REV1: variants seen among roughly 807,000 people sequenced by gnomAD.
REV1 encodes translesion synthesis protein REV1.
A neutral mutation model predicts 137.4 loss-of-function variants in REV1; 42 were observed. That is an observed-to-expected ratio of 0.31 (90% CI 0.24 to 0.40). The LOEUF is 0.40. REV1 is among the 10% of genes least tolerant of loss of function. The pLI, the probability that REV1 is intolerant of heterozygous loss-of-function variation, is 1.00. For synonymous variants in REV1, 524 were observed against 519.2 expected (o/e 1.01, Z -0.12); for missense variants, 1,282 against 1,490.1 (o/e 0.86, Z 2.30).
At chr2:99,445,263 C>G (rs764028215) in intron 4 of REV1, among the ~76,000 whole-genome samples, 2 of 152,110 alleles carry the variant, frequency 1.3e-5, no homozygotes, top group Non-Finnish European at 2.9e-5. Context: ...AAAGTTTTGA[C>G]TCATATGTAA....
chr2:99,446,286 T>C (rs1682194112), intron 4 of REV1, among the ~76,000 whole-genome samples: 1 of 152,170 alleles, frequency 6.6e-6, no homozygotes, highest in Admixed American at 6.5e-5. Flanking sequence ...AAATACAAAA[T>C]GAGGCCCATA....
Position 99,410,585 on chromosome 2 carries a change from G to A in REV1, c.2345+110C>T, listed in dbSNP as rs147615288. 1,518 of 920,044 alleles carry A rather than the reference G, an allele frequency of 1.6e-3. 25 individuals are homozygous for A. In the South Asian group the frequency reaches 0.017, roughly 10 times the overall value. The allele number at this position is 920,044 out of a possible 1,614,324, so 57.0% of individuals were successfully genotyped here. On this transcript the variant is annotated intron_variant, in intron 14 of 22. Transcript: ENST00000258428. ...TGCTTCTACAGAATACCAGATTAAC[G>A]GGTTTACAGGTCTTTATTCAAACTC...
chr2:99,448,151 G>T (rs539350225), intron 4 of REV1, among the ~76,000 whole-genome samples: 1 of 152,192 alleles, frequency 6.6e-6, no homozygotes, highest in East Asian at 1.9e-4. Context: ...CTATACAAAG[G>T]AACTGAGTTA....
Position 99,401,176 on chromosome 2 carries a change from T to C in REV1, c.*65A>G, listed in dbSNP as rs1675340567. 8.2e-6 allele frequency: 8 copies of C among 971,324 alleles called. No homozygotes were observed. The highest frequency in any genetic ancestry group is 1.3e-5 in the Non-Finnish European group (8 of 607,572). 60.2% of individuals were successfully genotyped at this position (971,324 alleles called of 1,614,324 possible). A position where few individuals can be genotyped will look rare whatever the true frequency, so the allele number is the denominator to read the frequency against. On this transcript the variant is annotated 3_prime_UTR_variant, in exon 23 of 23. Transcript: ENST00000258428. ...AACTCCGAGCATTACTATCATGCAC[T>C]TTGCAAATACCTCACAAGCACTTAT...
In REV1 at chr2:99,489,845, C is replaced by T. The variant is rs1448370477; in HGVS notation, c.-39G>A. 1.3e-5 allele frequency: 2 copies of T among 149,788 alleles called. No individual in the cohort carries two copies. The highest frequency in any genetic ancestry group is 4.2e-4 in the South Asian group (2 of 4,802). The allele number at this position is 149,788 out of a possible 1,614,324, so 9.3% of individuals were successfully genotyped here. On this transcript the variant is annotated 5_prime_UTR_variant, in exon 1 of 23. Coordinates refer to ENST00000258428, the MANE Select transcript of REV1 (RefSeq NM_016316.4). ...CCGCGTTGCCCCAGACCACCATGCC[C>T]GGGCCCGGCGGCCTTCTCCGGCCTT...
rs1191164993 is a variant in REV1 at position 99,434,402 on chromosome 2, A to G, written c.1368T>C (p.Pro456=). 1 of 1,605,140 alleles carries G rather than the reference A, an allele frequency of 6.2e-7. No homozygotes were observed. The highest frequency in any genetic ancestry group is 1.1e-5 in the South Asian group (1 of 89,178). ...GCTGGGGGTTAGCGCCAGGACGTAA[A>G]GGTGCCCTTCCTGTGCCTCTGTTAC... is the stretch of plus-strand genomic sequence containing the variant. ...VTSNRGTGRA[P]LRPGANPQLE... is the part of the protein sequence containing the mutation. Residue 456 remains proline (P), a synonymous_variant, in exon 8 of 23, where the codon CCT becomes CCC. Coordinates refer to ENST00000258428, the MANE Select transcript of REV1 (RefSeq NM_016316.4).
chr2:99,434,722 T>C (rs539513197), intron 7 of REV1, among the ~76,000 whole-genome samples: 1 of 152,306 alleles, frequency 6.6e-6, no homozygotes, highest in African/African-American at 2.4e-5. Flanking sequence ...CTTCCATGGT[T>C]TTTGTTTGAT....
At chr2:99,429,049 T>C (rs28382910) in intron 9 of REV1, among the ~76,000 whole-genome samples, 1,659 of 151,182 alleles carry the variant, frequency 0.011, 9 homozygotes, top group Middle Eastern at 0.025. Flanking sequence ...CGATTTGAAA[T>C]TATTGAATAC....
intron 1 of REV1, among the ~76,000 whole-genome samples, chr2:99,483,906 G>A (rs1210009804): frequency 1.3e-5 from 2 of 152,172 alleles, no homozygotes; most frequent in African/African-American, 4.8e-5. Flanking sequence ...TGCCTCTGGA[G>A]TCTGTAAGAT....
intron 3 of REV1, among the ~76,000 whole-genome samples, 158 bp downstream of exon 3, chr2:99,462,338 T>C (rs937991021): frequency 2.6e-5 from 4 of 152,152 alleles, no homozygotes; most frequent in African/African-American, 9.7e-5. Flanking sequence ...AAAAGCAACA[T>C]GGAAAGGAAA....
intron 12 of REV1, among the ~76,000 whole-genome samples, chr2:99,417,654 C>G (rs1305394219): frequency 6.6e-6 from 1 of 152,182 alleles, no homozygotes; most frequent in Non-Finnish European, 1.5e-5. Flanking sequence ...ACCCTGCTGA[C>G]ACCTTGATCT....
At chr2:99,473,038 T>C (rs1476533685) in intron 1 of REV1, among the ~76,000 whole-genome samples, 1 of 152,194 alleles carries the variant, frequency 6.6e-6, no homozygotes, top group Non-Finnish European at 1.5e-5. Context: ...TAGTCAGGTT[T>C]TGATCTTGAA....
At chr2:99,434,195 T>C (rs1680451469) in intron 8 of REV1, 137 bp downstream of exon 8, 1 of 496,884 alleles carries the variant, frequency 2.0e-6, no homozygotes, top group Non-Finnish European at 3.6e-6. Flanking sequence ...AACCTAACAG[T>C]GACATCCTTA....
At chr2:99,426,209 T>C (rs1450085725) in intron 9 of REV1, among the ~76,000 whole-genome samples, 5 of 151,012 alleles carry the variant, frequency 3.3e-5, no homozygotes, top group Non-Finnish European at 5.9e-5. Context: ...TAGCCGGGCA[T>C]GGTGGCACAC....
intron 3 of REV1, among the ~76,000 whole-genome samples, chr2:99,459,885 C>T (rs983850977): frequency 3.9e-5 from 6 of 152,022 alleles, no homozygotes; most frequent in East Asian, 1.9e-4. Context: ...ATAGGGACTA[C>T]GAAATCATGA....
In REV1 at chr2:99,439,041, G is replaced by A; in HGVS notation, c.773C>T (p.Ser258Phe). The A allele has an allele frequency of 6.2e-7, 1 of 1,614,158 alleles. No homozygotes were observed. Among genetic ancestry groups the A allele is most frequent in the Non-Finnish European group, 8.5e-7 (1 of 1,180,016 alleles). ...SVASRLSPAF[S>F]QEEDKAEKSS... ...CTTCTCAGCCTTATCCTCCTCCTGG[G>A]AAAAGGCTGGAGAAAGCCTGCTGGC... Residue 258 changes from serine (S) to phenylalanine (F), a missense_variant, in exon 6 of 23, where the codon TCC becomes TTC. By Grantham distance (155) the Ser-to-Phe change is radical. This residue lies in a region of REV1 where 432 missense variants were observed against 438.0 expected (regional missense o/e 0.99). Coordinates refer to ENST00000258428, the MANE Select transcript of REV1 (RefSeq NM_016316.4).
chr2:99,455,254 T>C (rs544750501), intron 3 of REV1, among the ~76,000 whole-genome samples: 11 of 152,326 alleles, frequency 7.2e-5, no homozygotes, highest in African/African-American at 2.6e-4. Context: ...ATTATTTCAT[T>C]TGAGTTTCAC....
intron 12 of REV1, among the ~76,000 whole-genome samples, chr2:99,414,849 T>C (rs569214752): frequency 6.6e-6 from 1 of 152,342 alleles, no homozygotes; most frequent in South Asian, 2.1e-4. Context: ...GTTGTGTTAG[T>C]GTGTCCATGT....
At chr2:99,477,724 A>C (rs996755582) in intron 1 of REV1, among the ~76,000 whole-genome samples, 2 of 152,248 alleles carry the variant, frequency 1.3e-5, no homozygotes, top group African/African-American at 4.8e-5. Context: ...GATCTGATTA[A>C]AAGGAAAGCG....
Sources: allele counts gnomAD v4.1 joint callset (sites outside exome capture counted in the v4.1 genomes callset), GRCh38; gene constraint gnomAD v4.1.1; regional missense constraint gnomAD v4.1.1; transcripts MANE v1.5; gene names NCBI Gene and HGNC (gene_info 2026-07-23, HGNC 2026-07-21).